Variants in RBMS3 observed in about 807,000 individuals in gnomAD.
RBMS3 encodes RNA binding motif single stranded interacting protein 3.
RBMS3 carries 27 observed loss-of-function variants against 66.8 expected under a neutral mutation model. That is an observed-to-expected ratio of 0.40 (90% CI 0.30 to 0.56). RBMS3 has a LOEUF of 0.56. RBMS3 is among the 20% of genes least tolerant of loss of function. The pLI is 0.40. For missense variants in RBMS3, 513 were observed against 549.5 expected, an observed-to-expected ratio of 0.93 and a Z score of 0.66; for synonymous variants, 188 against 183.0, an observed-to-expected ratio of 1.03 and a Z score of -0.22.
chr3:29,421,052 G>T (rs893746369), intron 1 of RBMS3, among the ~76,000 whole-genome samples: 1 of 151,904 alleles, frequency 6.6e-6, no homozygotes, highest in African/African-American at 2.4e-5. Context: ...GGCGGAGCTT[G>T]CAGTGAGCTA....
chr3:29,801,245 C>A (rs79436107), intron 6 of RBMS3, among the ~76,000 whole-genome samples: 7,453 of 149,798 alleles, frequency 0.05, 549 homozygotes, highest in African/African-American at 0.16. Flanking sequence ...TTACTAGTAC[C>A]AAACTTGAAG....
At chr3:29,997,979 G>T (rs929272241) in intron 14 of RBMS3, among the ~76,000 whole-genome samples, 2 of 152,178 alleles carry the variant, frequency 1.3e-5, no homozygotes, top group African/African-American at 4.8e-5. Context: ...AAGTCAAATT[G>T]TCCCTGTTTG....
At chr3:29,557,737 A>G (rs965864372) in intron 3 of RBMS3, among the ~76,000 whole-genome samples, 1 of 152,158 alleles carries the variant, frequency 6.6e-6, no homozygotes, top group African/African-American at 2.4e-5. Flanking sequence ...ATTTATAAAA[A>G]CCAAGTCTGG....
chr3:29,343,562 T>C (rs560169559), intron 1 of RBMS3, among the ~76,000 whole-genome samples: 5 of 152,278 alleles, frequency 3.3e-5, no homozygotes, highest in East Asian at 1.9e-4. Flanking sequence ...TTATTTTGTA[T>C]GTAGTATCAA....
chr3:29,804,239 G>T (rs1426307969), intron 6 of RBMS3, among the ~76,000 whole-genome samples: 1 of 152,042 alleles, frequency 6.6e-6, no homozygotes, highest in Non-Finnish European at 1.5e-5. Flanking sequence ...AGAAAAAAAT[G>T]CTGACAAATG....
chr3:29,688,722 A>G (rs2051847423), intron 4 of RBMS3, among the ~76,000 whole-genome samples: 1 of 151,486 alleles, frequency 6.6e-6, no homozygotes, highest in Non-Finnish European at 1.5e-5. Flanking sequence ...AACTGGGACT[A>G]CAAGCGGATG....
At chr3:29,660,302 TC>T (rs201873240) in intron 4 of RBMS3, among the ~76,000 whole-genome samples, 2,030 of 151,990 alleles carry the variant, frequency 0.013, 46 homozygotes, top group African/African-American at 0.047. Context: ...GTTCTTCGTC[TC>T]TTGTAAAATT....
At chr3:29,960,501 T>G (rs1390837502) in intron 12 of RBMS3, among the ~76,000 whole-genome samples, 1 of 152,156 alleles carries the variant, frequency 6.6e-6, no homozygotes, top group East Asian at 1.9e-4. Flanking sequence ...TGTCCCTCTT[T>G]TCACAGCTCC....
chr3:29,633,901 C>G lies in RBMS3; in HGVS notation c.399+46696C>G, dbSNP rs112055544. Among the ~76,000 whole-genome samples, 391 of 151,790 alleles carry G rather than the reference C, an allele frequency of 2.6e-3. 2 individuals carry two copies. Among genetic ancestry groups the G allele is most frequent in the Admixed American group, 3.2e-3 (48 of 15,210 alleles). ...TATATAAAGACTTCATTTAAATAAC[C>G]CCACTCAATAATCTCATCTTTTTTT... On this transcript the variant is annotated intron_variant, in intron 4 of 14. Coordinates refer to ENST00000383767, the MANE Select transcript of RBMS3 (RefSeq NM_001003793.3).
At chr3:29,364,068 T>C (rs1216980464) in intron 1 of RBMS3, among the ~76,000 whole-genome samples, 2 of 152,048 alleles carry the variant, frequency 1.3e-5, no homozygotes, top group Non-Finnish European at 2.9e-5. Context: ...TGGAATGATA[T>C]AGGTACAGGA....
intron 12 of RBMS3, among the ~76,000 whole-genome samples, chr3:29,952,254 T>C (rs1176947841): frequency 3.3e-5 from 5 of 151,896 alleles, no homozygotes; most frequent in Non-Finnish European, 7.4e-5. Context: ...CTATATAGAA[T>C]TGGCAGAATT....
intron 1 of RBMS3, among the ~76,000 whole-genome samples, chr3:29,297,787 T>G (rs900142201): frequency 6.6e-6 from 1 of 151,850 alleles, no homozygotes; most frequent in Non-Finnish European, 1.5e-5. Flanking sequence ...AGAAAAGGTG[T>G]CATTTTCTTG....
At chr3:29,728,994 T>A (rs377149869) in intron 4 of RBMS3, among the ~76,000 whole-genome samples, 21 of 152,122 alleles carry the variant, frequency 1.4e-4, no homozygotes, top group African/African-American at 4.6e-4. Flanking sequence ...ATATATATAT[T>A]TTATTATACT....
rs114037536 is a variant in RBMS3 at position 29,901,547 on chromosome 3, A to G, written c.939+1792A>G. On this transcript the variant is annotated intron_variant, in intron 10 of 14. Coordinates refer to ENST00000383767, the MANE Select transcript of RBMS3 (RefSeq NM_001003793.3). ...TCAGCTGTCACTCAGGACTTTTACA[A>G]AGCTTTTCACACACCTCCTTTTCCA... Among the ~76,000 whole-genome samples the G allele has an allele frequency of 2.2e-3, 341 of 151,744 alleles. 1 individual carries two copies. Among genetic ancestry groups the G allele is most frequent in the African/African-American group, 7.8e-3 (322 of 41,444 alleles).
At chr3:29,526,825 C>T (rs556659266) in intron 3 of RBMS3, among the ~76,000 whole-genome samples, 5 of 151,938 alleles carry the variant, frequency 3.3e-5, no homozygotes, top group African/African-American at 1.2e-4. Context: ...CAATTCCTCC[C>T]TCTCTTTCTC....
intron 4 of RBMS3, among the ~76,000 whole-genome samples, chr3:29,673,476 T>A (rs963292254): frequency 3.6e-4 from 53 of 147,802 alleles, no homozygotes; most frequent in Admixed American, 1.1e-3. Context: ...TTTTTTTTTT[T>A]AAAAGATCAA....
At chr3:29,302,057 T>C (rs1332517779) in intron 1 of RBMS3, among the ~76,000 whole-genome samples, 2 of 152,038 alleles carry the variant, frequency 1.3e-5, no homozygotes, top group East Asian at 3.9e-4. Context: ...TTGCCCAGGC[T>C]GTAGTGCAGT....
intron 11 of RBMS3, among the ~76,000 whole-genome samples, chr3:29,937,103 A>C (rs2034442): frequency 1.3e-5 from 2 of 151,948 alleles, no homozygotes; most frequent in Non-Finnish European, 2.9e-5. Context: ...TTAAATATTG[A>C]AGAAAGAGCA....
chr3:29,817,915 C>T (rs1208463040), intron 6 of RBMS3, among the ~76,000 whole-genome samples: 1 of 152,220 alleles, frequency 6.6e-6, no homozygotes, highest in East Asian at 1.9e-4. Context: ...ATCATGCATT[C>T]ATTCATTTGT....
Sources: allele counts gnomAD v4.1 joint callset (sites outside exome capture counted in the v4.1 genomes callset), GRCh38; gene constraint gnomAD v4.1.1; transcripts MANE v1.5; gene names NCBI Gene and HGNC (gene_info 2026-07-23, HGNC 2026-07-21).